The following MYO16 variants were observed in gnomAD, a reference collection of about 807,000 sequenced individuals.
MYO16 encodes the protein myosin XVI.
In MYO16, 94 loss-of-function variants were observed where a neutral mutation model predicts 205.3. The ratio of observed to expected loss-of-function variants is 0.46; its 90% CI spans 0.39 to 0.54. The LOEUF is 0.54. Ranked by LOEUF, MYO16 falls within the 20% of genes least tolerant of loss-of-function variation. The pLI is 0.00. For missense variants in MYO16, 2,315 were observed against 2,387.5 expected (o/e 0.97, Z 0.63); for synonymous variants, 988 against 954.0 (o/e 1.04, Z -0.66).
At chr13:108,853,955 T>TGTGGGG (rs1039182176) in intron 10 of MYO16, among the ~76,000 whole-genome samples, 5 of 258 alleles carry the variant, frequency 0.019, no homozygotes, top group Admixed American at 0.17. Flanking sequence ...TTTCTATTAT[T>TGTGGGG]GTGTGTGTGT....
chr13:109,139,665 T>C (rs1051539847), intron 31 of MYO16, among the ~76,000 whole-genome samples: 4 of 151,646 alleles, frequency 2.6e-5, no homozygotes, highest in African/African-American at 9.7e-5. Context: ...CTTACAAGTT[T>C]AAGGGGTCTA....
intron 24 of MYO16, among the ~76,000 whole-genome samples, chr13:109,051,749 T>A (rs1032969877): frequency 3.3e-5 from 5 of 152,286 alleles, no homozygotes; most frequent in South Asian, 2.1e-4. Context: ...AGCTTAACTG[T>A]GTTTTTTGTT....
chr13:108,795,415 A>G lies in MYO16; in HGVS notation c.741+1775A>G, dbSNP rs1037758872. Among the ~76,000 whole-genome samples the G allele has an allele frequency of 1.7e-4, 26 of 152,168 alleles. 1 individual carries two copies. Among genetic ancestry groups the G allele is most frequent in the South Asian group, 1.4e-3 (7 of 4,828 alleles). On this transcript the variant is annotated intron_variant, in intron 6 of 34. Coordinates refer to ENST00000457511, the MANE Select transcript of MYO16 (RefSeq NM_001198950.3). ...ATTAGAGACGGGGTTTCACCATGTT[A>G]GCCAGGCTGGTCTCGATCTTCTGAC...
chr13:108,645,681 G>C (rs1467158111), intron 1 of MYO16, among the ~76,000 whole-genome samples: 2 of 152,186 alleles, frequency 1.3e-5, no homozygotes, highest in African/African-American at 4.8e-5. Flanking sequence ...ATGGATCAAT[G>C]TTGACTGGAA....
chr13:108,877,806 T>A (rs1879396433), intron 12 of MYO16, among the ~76,000 whole-genome samples: 1 of 152,238 alleles, frequency 6.6e-6, no homozygotes, highest in African/African-American at 2.4e-5. Context: ...TATTATATGG[T>A]TGACCAGTGC....
In MYO16 at chr13:109,207,566, A is replaced by G. The variant is rs977388894; in HGVS notation, c.*730A>G. The G allele has an allele frequency of 6.6e-6, 1 of 152,112 alleles. No individual in the cohort carries two copies. The highest frequency in any genetic ancestry group is 2.4e-5 in the African/African-American group (1 of 41,394). The allele number at this position is 152,112 out of a possible 1,614,324, so 9.4% of individuals were successfully genotyped here. ...ATGGATGAGGAGGCTGTTCTTTCCT[A>G]TGCCCTGTATTTCTGGATAAGTGGA... On this transcript the variant is annotated 3_prime_UTR_variant, in exon 35 of 35. Coordinates refer to ENST00000457511, the MANE Select transcript of MYO16 (RefSeq NM_001198950.3).
chr13:108,656,451 A>G (rs1289568109), intron 1 of MYO16, among the ~76,000 whole-genome samples: 1 of 152,174 alleles, frequency 6.6e-6, no homozygotes, highest in Non-Finnish European at 1.5e-5. Flanking sequence ...CAACATGAAA[A>G]TGGACTAATA....
intron 31 of MYO16, among the ~76,000 whole-genome samples, chr13:109,135,259 G>A (rs1876720447): frequency 6.6e-6 from 1 of 152,186 alleles, no homozygotes; most frequent in Non-Finnish European, 1.5e-5. Flanking sequence ...AGAGCTGGAT[G>A]CATGTTGCTT....
At chr13:109,169,124 T>G (rs1187776105) in intron 33 of MYO16, among the ~76,000 whole-genome samples, 1 of 152,200 alleles carries the variant, frequency 6.6e-6, no homozygotes, top group Non-Finnish European at 1.5e-5. Flanking sequence ...ACATGTAGCA[T>G]TTTTCTTTCT....
chr13:108,688,292 A>G (rs1462722804), intron 2 of MYO16, among the ~76,000 whole-genome samples: 2 of 152,156 alleles, frequency 1.3e-5, no homozygotes, highest in African/African-American at 4.8e-5. Context: ...AGGATGCCCT[A>G]GGAGGTCATG....
At chr13:109,102,374 T>G (rs539950690) in intron 28 of MYO16, among the ~76,000 whole-genome samples, 1 of 152,282 alleles carries the variant, frequency 6.6e-6, no homozygotes, top group South Asian at 2.1e-4. Flanking sequence ...AATAAGTAAT[T>G]ATATAGTAGT....
intron 2 of MYO16, among the ~76,000 whole-genome samples, chr13:108,687,308 G>A (rs578194904): frequency 6.6e-6 from 1 of 152,276 alleles, no homozygotes; most frequent in East Asian, 1.9e-4. Context: ...GTATGGATAA[G>A]CCCCTGGTTC....
the MYO16 span, among the ~76,000 whole-genome samples, chr13:108,503,969 A>AT: frequency 2.0e-3 from 113 of 57,592 alleles, no homozygotes; most frequent in Admixed American, 6.4e-3. Flanking sequence ...TTTTATTATT[A>AT]TTTTTTTTGC....
In MYO16 at chr13:108,939,627, G is replaced by A. The variant is rs149338309; in HGVS notation, c.1926-18061G>A. On this transcript the variant is annotated intron_variant, in intron 16 of 34. Coordinates refer to ENST00000457511, the MANE Select transcript of MYO16 (RefSeq NM_001198950.3). The stretch of plus-strand genomic sequence containing the variant: ...AAATAAAAATCTAAATTTCATTATA[G>A]CTAAATATTCTGATAGATTCTAACC... 3.7e-4 allele frequency among the ~76,000 whole-genome samples: 56 copies of A among 152,284 alleles called. No individual in the cohort carries two copies. In the South Asian group the frequency reaches 3.9e-3, roughly 11 times the overall value.
chr13:108,840,345 C>G (rs936839706), intron 9 of MYO16, among the ~76,000 whole-genome samples: 1 of 151,970 alleles, frequency 6.6e-6, no homozygotes, highest in Non-Finnish European at 1.5e-5. Context: ...TCATGCTTTC[C>G]TAGGTTCTAT....
Position 108,961,544 on chromosome 13 carries a change from G to A in MYO16, c.2043G>A (p.Val681=). The change falls in exon 18 of 35, where the codon GTG becomes GTA. Residue 681 remains valine, a synonymous_variant. Transcript: ENST00000457511. The stretch of plus-strand genomic sequence containing the variant: ...TCTGTTTGTAAAATGCATAGGAGGT[G>A]GAGAATCTGTTCGTAATTCTAGCAG... The part of the protein sequence containing the change: ...LNVVGFSSLE[V]ENLFVILAAI... The A allele has an allele frequency of 1.2e-6, 2 of 1,613,052 alleles. No individual in the cohort carries two copies. Among genetic ancestry groups the A allele is most frequent in the Non-Finnish European group, 1.7e-6 (2 of 1,179,040 alleles).
intron 15 of MYO16, among the ~76,000 whole-genome samples, chr13:108,907,348 A>G (rs1881037148): frequency 6.6e-6 from 1 of 152,228 alleles, no homozygotes. Flanking sequence ...AGAGAATTAT[A>G]AGCATGTTTC....
intron 4 of MYO16, among the ~76,000 whole-genome samples, chr13:108,736,881 G>C (rs930760617): frequency 2.0e-5 from 3 of 152,094 alleles, no homozygotes; most frequent in African/African-American, 7.2e-5. Context: ...GGATTCCTAG[G>C]TATTTTATTC....
chr13:108,622,732 G>C (rs1254894416), intron 1 of MYO16, among the ~76,000 whole-genome samples: 1 of 152,012 alleles, frequency 6.6e-6, no homozygotes, highest in South Asian at 2.1e-4. Flanking sequence ...GCCAAAATAG[G>C]CTAAGAGAGA....
Sources: gnomAD v4.1 joint callset for allele counts (sites outside exome capture counted in the v4.1 genomes callset) on GRCh38, gnomAD v4.1.1 for gene constraint, MANE v1.5 for transcripts, NCBI Gene and HGNC (gene_info 2026-07-23, HGNC 2026-07-21) for gene names.